Variants in LYZL2 observed in about 807,000 individuals in gnomAD.
LYZL2 encodes the protein lysozyme-like protein 2.
Under a neutral mutation model 17.1 loss-of-function variants are expected in LYZL2, and 13 were observed. The ratio of observed to expected loss-of-function variants is 0.76; its 90% CI spans 0.49 to 1.21. The LOEUF is 1.21. Among genes scored for constraint, LYZL2 ranks in the 50% most tolerant of loss-of-function variants. The pLI is 0.00. For missense variants in LYZL2, 166 were observed against 189.2 expected (o/e 0.88, Z 0.72); for synonymous variants, 63 against 74.4 (o/e 0.85, Z 0.79).
chr10:30,616,704 C>A (rs1838533198), intron 3 of LYZL2, among the ~76,000 whole-genome samples: 3 of 152,140 alleles, frequency 2.0e-5, no homozygotes, highest in Non-Finnish European at 1.5e-5. Flanking sequence ...CTATGGGTAC[C>A]ATTTTATCCC....
chr10:30,625,012 G>A lies in LYZL2; in HGVS notation c.298+1093C>T, dbSNP rs79814261. 7.6e-3 allele frequency among the ~76,000 whole-genome samples: 1,164 copies of A among 152,250 alleles called. 13 individuals are homozygous for A. The highest frequency in any genetic ancestry group is 0.026 in the African/African-American group (1,083 of 41,516). ...TAGAAGCCTGGAATGGCCCTTGGGT[G>A]ACAACCTGCAAGCAACAAGGATCTC... On this transcript the variant is annotated intron_variant, in intron 3 of 4. Coordinates refer to ENST00000647634, the MANE Select transcript of LYZL2 (RefSeq NM_183058.3).
Position 30,626,919 on chromosome 10 carries a change from C to T in LYZL2, c.-4G>A, listed in dbSNP as rs199609118. 5.6e-5 allele frequency: 90 copies of T among 1,612,952 alleles called. No individual in the cohort carries two copies. The highest frequency in any genetic ancestry group is 1.4e-5 in the Non-Finnish European group (17 of 1,179,470). On this transcript the variant is annotated 5_prime_UTR_variant, in exon 2 of 5. Transcript: ENST00000647634. ...TCAGAATGCCCGCAGCCTTCATCCT[C>T]AAAGCCTGCCGGAGACAGAACCTGC...
chr10:30,612,808 G>A lies in LYZL2; in HGVS notation c.377+14C>T. ...GCCCATGACAGCCCAAGTCTTCCAA[G>A]GAAAGACTCTTACCAATAGTTCATT... On this transcript the variant is annotated intron_variant, in intron 4 of 4. Transcript: ENST00000647634. 6.2e-7 allele frequency: 1 copy of A among 1,603,156 alleles called. No individual in the cohort carries two copies. Among genetic ancestry groups the A allele is most frequent in the African/African-American group, 1.3e-5 (1 of 74,818 alleles).
chr10:30,624,834 T>A (rs1427647500), intron 3 of LYZL2, among the ~76,000 whole-genome samples: 1 of 152,106 alleles, frequency 6.6e-6, no homozygotes, highest in Non-Finnish European at 1.5e-5. Flanking sequence ...GCCTGAGTCC[T>A]TAGAAGCAGA....
At chr10:30,629,266 T>C (rs1588680712) in intron 1 of LYZL2, among the ~76,000 whole-genome samples, 1 of 152,058 alleles carries the variant, frequency 6.6e-6, no homozygotes, top group Admixed American at 6.6e-5. Flanking sequence ...TAGTGGTGTG[T>C]GACTGTGGTC....
At chr10:30,607,410 C>T (rs1034136797), downstream of LYZL2, among the ~76,000 whole-genome samples, 6 of 152,058 alleles carry the variant, frequency 3.9e-5, no homozygotes, top group East Asian at 7.7e-4. Context: ...TGTAAGGAAA[C>T]GGATTCTTTA....
chr10:30,621,024 A>G (rs1020382839), intron 3 of LYZL2, among the ~76,000 whole-genome samples: 1 of 152,250 alleles, frequency 6.6e-6, no homozygotes, highest in African/African-American at 2.4e-5. Flanking sequence ...GAAGGAGAAA[A>G]GAAAAGCATT....
At chr10:30,618,619 C>A (rs904439291) in intron 3 of LYZL2, among the ~76,000 whole-genome samples, 1 of 152,098 alleles carries the variant, frequency 6.6e-6, no homozygotes, top group Non-Finnish European at 1.5e-5. Flanking sequence ...AATTGGCAGG[C>A]CATATGTAGA....
At chr10:30,621,955 A>G (rs1402536556) in intron 3 of LYZL2, among the ~76,000 whole-genome samples, 4 of 152,210 alleles carry the variant, frequency 2.6e-5, no homozygotes, top group Admixed American at 2.0e-4. Flanking sequence ...TAGAAGAAAA[A>G]TGCATGACAA....
intron 3 of LYZL2, among the ~76,000 whole-genome samples, chr10:30,615,145 T>C (rs75320117): frequency 0.036 from 5,424 of 152,324 alleles, 133 homozygotes; most frequent in South Asian, 0.05. Context: ...AAAATTATAT[T>C]TGTTGACAGG....
intron 3 of LYZL2, among the ~76,000 whole-genome samples, chr10:30,613,809 G>A (rs1838486149): frequency 6.6e-6 from 1 of 152,100 alleles, no homozygotes; most frequent in Non-Finnish European, 1.5e-5. Context: ...TCAACCTCCT[G>A]GCCTCAAGCA....
chr10:30,618,322 CTACTT>C (rs1188982559), intron 3 of LYZL2, among the ~76,000 whole-genome samples: 1 of 152,196 alleles, frequency 6.6e-6, no homozygotes, highest in East Asian at 1.9e-4. Context: ...TTGGAAAAAA[CTACTT>C]TAAAGTTCAT....
downstream of LYZL2, chr10:30,611,727 GAAAA>G: frequency 2.3e-6 from 1 of 436,210 alleles, no homozygotes; most frequent in Non-Finnish European, 3.6e-6. Context: ...AGAAAGAAAA[GAAAA>G]GAAAGGAAAG....
downstream of LYZL2, among the ~76,000 whole-genome samples, chr10:30,608,014 C>T (rs1427337520): frequency 6.6e-6 from 1 of 152,146 alleles, no homozygotes; most frequent in African/African-American, 2.4e-5. Context: ...ATAATTACAG[C>T]TCACTGCAGC....
chr10:30,623,413 A>G (rs1336595865), intron 3 of LYZL2, among the ~76,000 whole-genome samples: 1 of 152,172 alleles, frequency 6.6e-6, no homozygotes, highest in Non-Finnish European at 1.5e-5. Flanking sequence ...CCAACCCCTG[A>G]ACCACAGACC....
intron 3 of LYZL2, among the ~76,000 whole-genome samples, chr10:30,613,780 A>G (rs996516410): frequency 6.6e-6 from 1 of 152,162 alleles, no homozygotes; most frequent in Non-Finnish European, 1.5e-5. Context: ...CAGTGGCATG[A>G]TAATAGCTCA....
chr10:30,612,965 G>A, intron 3 of LYZL2, 65 bp from the exon 4 acceptor site: 1 of 1,252,874 alleles, frequency 8.0e-7, no homozygotes, highest in African/African-American at 1.5e-5. Flanking sequence ...CCCAACTCAA[G>A]TTTACTTCAT....
chr10:30,611,601 AAGAAAG>A (rs1361913004), downstream of LYZL2, among the ~76,000 whole-genome samples: 5 of 120,086 alleles, frequency 4.2e-5, no homozygotes, highest in Admixed American at 1.6e-4. Context: ...GAAAGAAAGA[AAGAAAG>A]AAAGAAAGAG....
In LYZL2 at chr10:30,626,102, C is replaced by T; in HGVS notation, c.298+3G>A. ...TGGCATCACTGGAAAGTCAGAGCCT[C>T]ACCTGAGCAGGCGACGTGGCAGTGG... On this transcript the variant is annotated splice_donor_region_variant and intron_variant, in intron 3 of 4. Transcript: ENST00000647634. 1 of 1,613,304 alleles carries T rather than the reference C, an allele frequency of 6.2e-7. No homozygotes were observed. The highest frequency in any genetic ancestry group is 8.5e-7 in the Non-Finnish European group (1 of 1,179,496).
Sources: gnomAD v4.1 joint callset for allele counts (sites outside exome capture counted in the v4.1 genomes callset) on GRCh38, gnomAD v4.1.1 for gene constraint, MANE v1.5 for transcripts, NCBI Gene and HGNC (gene_info 2026-07-23, HGNC 2026-07-21) for gene names.